MACROD2: variants seen among roughly 807,000 people sequenced by gnomAD.
MACROD2 encodes mono-ADP ribosylhydrolase 2, also known as ADP-ribose glycohydrolase MACROD2.
MACROD2 carries 36 observed loss-of-function variants against 70.4 expected under a neutral mutation model. The observed-to-expected ratio is 0.51, with a 90% CI of 0.39 to 0.68. The LOEUF (loss-of-function observed/expected upper bound fraction) is 0.68, where lower values mean the gene tolerates loss of function less well. MACROD2 is among the 30% of genes least tolerant of loss of function. MACROD2 has a pLI of 0.00. For synonymous variants in MACROD2, 172 were observed against 178.8 expected, an observed-to-expected ratio of 0.96 and a Z score of 0.30; for missense variants, 496 against 538.4, an observed-to-expected ratio of 0.92 and a Z score of 0.78.
At chr20:14,778,630 T>C (rs1390539078) in intron 5 of MACROD2, among the ~76,000 whole-genome samples, 1 of 152,144 alleles carries the variant, frequency 6.6e-6, no homozygotes, top group Non-Finnish European at 1.5e-5. Flanking sequence ...TCCTTTGCCT[T>C]GTTGGAATCA....
chr20:14,327,015 A>G (rs1393154786), intron 3 of MACROD2: 2 of 1,613,608 alleles, frequency 1.2e-6, no homozygotes, highest in African/African-American at 2.7e-5. Flanking sequence ...TGCTAAGGTG[A>G]TTACGGGACA....
At chr20:15,194,270 A>AAAT (rs2076591136) in intron 5 of MACROD2, among the ~76,000 whole-genome samples, 1 of 149,826 alleles carries the variant, frequency 6.7e-6, no homozygotes, top group Non-Finnish European at 1.5e-5. Flanking sequence ...AAAAAAAAAA[A>AAAT]GCTTCTTCCA....
At chr20:14,654,178 T>C (rs1985841368) in intron 4 of MACROD2, among the ~76,000 whole-genome samples, 1 of 152,184 alleles carries the variant, frequency 6.6e-6, no homozygotes, top group South Asian at 2.1e-4. Flanking sequence ...CCAAAAGTGC[T>C]ATATTTTTGT....
intron 3 of MACROD2, among the ~76,000 whole-genome samples, chr20:14,331,586 T>G (rs2082841655): frequency 6.6e-6 from 1 of 152,120 alleles, no homozygotes; most frequent in African/African-American, 2.4e-5. Context: ...AAATGAAGAT[T>G]ACGTTCAGAG....
At position 14,185,262 on chromosome 20, in the gene MACROD2, G is replaced by T. The variant is rs1443022367; in HGVS notation, c.271+99534G>T. On this transcript the variant is annotated intron_variant, in intron 3 of 17. Coordinates refer to ENST00000684519, the MANE Select transcript of MACROD2 (RefSeq NM_001351661.2). Reference sequence around the variant, plus strand: ...AAAGTAGCTATGCTAATCTGGAAAAGAAGTGCTTCATTTTCTTAAAGTTTT... The same window carrying T: ...AAAGTAGCTATGCTAATCTGGAAAATAAGTGCTTCATTTTCTTAAAGTTTT... Among the ~76,000 whole-genome samples, 6 of 152,086 alleles carry T rather than the reference G, an allele frequency of 3.9e-5. No individual in the cohort carries two copies. The South Asian group carries it at 8.3e-4, about 21-fold the overall frequency.
intron 6 of MACROD2, among the ~76,000 whole-genome samples, chr20:15,234,801 C>T (rs896852489): frequency 9.9e-5 from 15 of 151,940 alleles, no homozygotes; most frequent in African/African-American, 3.4e-4. Context: ...TGAGCCAGGG[C>T]TGGAAAATGA....
chr20:15,672,043 G>C lies in MACROD2; in HGVS notation c.645+172196G>C, dbSNP rs541553298. 3.3e-4 allele frequency among the ~76,000 whole-genome samples: 51 copies of C among 152,250 alleles called. 1 individual carries two copies. Among genetic ancestry groups the C allele is most frequent in the Admixed American group, 2.7e-3 (42 of 15,286 alleles). ...ACCCACTGTAGCAAACAGACACACAGGATGCTGAGAAGGATCCAGGACTCA... is the reference window on the plus strand; with the variant it reads ...ACCCACTGTAGCAAACAGACACACACGATGCTGAGAAGGATCCAGGACTCA... On this transcript the variant is annotated intron_variant, in intron 8 of 17. Coordinates refer to ENST00000684519, the MANE Select transcript of MACROD2 (RefSeq NM_001351661.2).
At chr20:15,602,793 A>G (rs2048839941) in intron 8 of MACROD2, among the ~76,000 whole-genome samples, 1 of 152,164 alleles carries the variant, frequency 6.6e-6, no homozygotes, top group African/African-American at 2.4e-5. Flanking sequence ...TGCATAAGAT[A>G]TTTCCTTCAA....
At chr20:15,171,665 G>T (rs76716130) in intron 5 of MACROD2, among the ~76,000 whole-genome samples, 6,490 of 151,808 alleles carry the variant, frequency 0.043, 210 homozygotes, top group Admixed American at 0.082. Flanking sequence ...TTATACTTCA[G>T]GTCTCAGCTA....
In MACROD2 at chr20:14,946,714, T is replaced by C. The variant is rs568593953; in HGVS notation, c.418+261755T>C. Among the ~76,000 whole-genome samples the C allele has an allele frequency of 5.3e-5, 8 of 152,336 alleles. No homozygotes were observed. The East Asian group carries it at 1.3e-3, about 26-fold the overall frequency. On this transcript the variant is annotated intron_variant, in intron 5 of 17. Coordinates refer to ENST00000684519, the MANE Select transcript of MACROD2 (RefSeq NM_001351661.2). ...AAAAATAGACATTAGTTTATCAGTT[T>C]AGAGAAAAGAACACAGGTGCTTCCT...
At chr20:15,462,747 A>G (rs966200472) in intron 7 of MACROD2, among the ~76,000 whole-genome samples, 3 of 152,210 alleles carry the variant, frequency 2.0e-5, no homozygotes, top group African/African-American at 7.2e-5. Context: ...TTTGTAACAT[A>G]TTTGTGTCAC....
intron 6 of MACROD2, among the ~76,000 whole-genome samples, chr20:15,337,630 T>C (rs2078062501): frequency 6.6e-6 from 1 of 151,608 alleles, no homozygotes; most frequent in South Asian, 2.1e-4. Flanking sequence ...ACACTTAAAA[T>C]TTACTCTCAA....
intron 6 of MACROD2, among the ~76,000 whole-genome samples, chr20:15,266,417 A>C (rs1480999245): frequency 6.6e-6 from 1 of 152,214 alleles, no homozygotes; most frequent in African/African-American, 2.4e-5. Context: ...ACTACCAACG[A>C]TGTGACCTTC....
At chr20:14,504,618 A>G (rs2084949434) in intron 4 of MACROD2, among the ~76,000 whole-genome samples, 1 of 152,176 alleles carries the variant, frequency 6.6e-6, no homozygotes, top group South Asian at 2.1e-4. Context: ...TCCTCTGGAA[A>G]TAGCTTTACC....
At chr20:15,405,776 T>C (rs1407242840) in intron 6 of MACROD2, among the ~76,000 whole-genome samples, 1 of 152,156 alleles carries the variant, frequency 6.6e-6, no homozygotes, top group Non-Finnish European at 1.5e-5. Context: ...ATTCTCTTGC[T>C]CTCTTGAAAT....
In MACROD2 at chr20:14,315,413, T is replaced by G. The variant is rs902450684; in HGVS notation, c.272-178066T>G. On this transcript the variant is annotated intron_variant, in intron 3 of 17. Transcript: ENST00000684519. The stretch of plus-strand genomic sequence containing the variant: ...TGTTTGAAGTTCATTCATTCTTTTA[T>G]TCATTCATCCAACAAATATTTTATA... Among the ~76,000 whole-genome samples, 10 of 152,350 alleles carry G rather than the reference T, an allele frequency of 6.6e-5. No individual in the cohort carries two copies. The South Asian group carries it at 1.9e-3, about 28-fold the overall frequency.
chr20:14,112,435 A>G (rs1456110222), intron 3 of MACROD2, among the ~76,000 whole-genome samples: 2 of 152,036 alleles, frequency 1.3e-5, no homozygotes, highest in Non-Finnish European at 2.9e-5. Flanking sequence ...TGATGTGATT[A>G]TTACACATTG....
chr20:14,094,432 T>C (rs1315937907), intron 3 of MACROD2, among the ~76,000 whole-genome samples: 1 of 152,244 alleles, frequency 6.6e-6, no homozygotes. Flanking sequence ...TGGCTTCTGC[T>C]AAACTGTTTT....
At chr20:15,896,927 A>C (rs1392799899) in intron 10 of MACROD2, among the ~76,000 whole-genome samples, 6 of 152,210 alleles carry the variant, frequency 3.9e-5, no homozygotes, top group Non-Finnish European at 8.8e-5. Flanking sequence ...CCAGCAAGGC[A>C]TAGACAGAAT....
Sources: gnomAD v4.1 joint callset for allele counts (sites outside exome capture counted in the v4.1 genomes callset) on GRCh38, gnomAD v4.1.1 for gene constraint, MANE v1.5 for transcripts, NCBI Gene and HGNC (gene_info 2026-07-23, HGNC 2026-07-21) for gene names.